Variants in EIF2B1 observed in about 807,000 individuals in gnomAD.
EIF2B1 encodes the protein eukaryotic translation initiation factor 2B subunit alpha.
EIF2B1 carries 30 observed loss-of-function variants against 36.8 expected under a neutral mutation model. The observed-to-expected ratio is 0.81, with a 90% CI of 0.61 to 1.10. The LOEUF (loss-of-function observed/expected upper bound fraction) is 1.10, where lower values mean the gene tolerates loss of function less well. Among genes scored for constraint, EIF2B1 ranks in the 50% least tolerant of loss-of-function variants. The probability of loss-of-function intolerance (pLI) is 0.00; values close to 1 mark genes in which losing one functional copy is unlikely to be tolerated. For missense variants in EIF2B1, 271 were observed against 374.8 expected (o/e 0.72, Z 2.29); for synonymous variants, 139 against 142.2 (o/e 0.98, Z 0.16).
chr12:123,626,415 G>A lies in EIF2B1; in HGVS notation c.551+10C>T, dbSNP rs772239244. 2 of 1,614,078 alleles carry A rather than the reference G, an allele frequency of 1.2e-6. No homozygotes were observed. The highest frequency in any genetic ancestry group is 1.1e-5 in the South Asian group (1 of 91,092). On this transcript the variant is annotated intron_variant, in intron 6 of 8. Transcript: ENST00000424014. ...GGAGGTGATTATGGCTGGGGAAGAT[G>A]GGCACTCACCCGACAGCAGCATCTA...
intron 4 of EIF2B1, among the ~76,000 whole-genome samples, chr12:123,629,867 C>T (rs1198932125): frequency 6.6e-6 from 1 of 152,184 alleles, no homozygotes. Flanking sequence ...TGCCTGTTTA[C>T]AATGACAACC....
chr12:123,623,240 GCA>G (rs1955121381), intron 7 of EIF2B1, among the ~76,000 whole-genome samples: 1 of 151,882 alleles, frequency 6.6e-6, no homozygotes, highest in South Asian at 2.1e-4. Context: ...AATTAGCTGG[GCA>G]TGGTGGGATG....
At chr12:123,624,542 A>T (rs1354673772) in intron 7 of EIF2B1, among the ~76,000 whole-genome samples, 2 of 152,172 alleles carry the variant, frequency 1.3e-5, no homozygotes, top group Non-Finnish European at 2.9e-5. Flanking sequence ...TTACAGGTAT[A>T]AGGCATCACA....
At chr12:123,623,289 A>C (rs185203486) in intron 7 of EIF2B1, among the ~76,000 whole-genome samples, 4 of 151,966 alleles carry the variant, frequency 2.6e-5, no homozygotes, top group Middle Eastern at 3.2e-3. Flanking sequence ...GGGAGGCTGA[A>C]GCAGGAGACT....
chr12:123,627,333 A>G (rs904426832), intron 4 of EIF2B1, among the ~76,000 whole-genome samples, 177 bp from the exon 5 acceptor site: 5 of 152,224 alleles, frequency 3.3e-5, no homozygotes, highest in Non-Finnish European at 5.9e-5. Flanking sequence ...AAGCTAAAAA[A>G]GTTTCTGCCA....
chr12:123,620,580 TTATATATATATATATATATATATA>T lies in EIF2B1; in HGVS notation c.*1152_*1175del, dbSNP rs68169681. The T allele has an allele frequency of 4.1e-4, 27 of 65,362 alleles. 1 individual carries two copies. Among genetic ancestry groups the T allele is most frequent in the Middle Eastern group, 7.5e-3 (1 of 134 alleles). The allele number at this position is 65,362 out of a possible 1,614,324, so 4.0% of individuals were successfully genotyped here. The stretch of plus-strand genomic sequence containing the variant: ...GGTCACATATAGACATATGTACATA[TTATATATATATATATATATATATA>T]TATATATATATATATATATATATAA... On this transcript the variant is annotated 3_prime_UTR_variant, in exon 9 of 9. Coordinates refer to ENST00000424014, the MANE Select transcript of EIF2B1 (RefSeq NM_001414.4).
intron 5 of EIF2B1, 29 bp from the exon 6 acceptor site, chr12:123,626,522 G>C: frequency 6.2e-7 from 1 of 1,612,722 alleles, no homozygotes; most frequent in Non-Finnish European, 8.5e-7. Flanking sequence ...GAACGTTAGA[G>C]AAAGTACAAG....
At chr12:123,625,047 G>A (rs375559363) in intron 6 of EIF2B1, among the ~76,000 whole-genome samples, 185 bp from the exon 7 acceptor site, 7 of 152,118 alleles carry the variant, frequency 4.6e-5, no homozygotes, top group African/African-American at 1.7e-4. Context: ...TTCTGGTCAT[G>A]ACCCTACAAT....
At chr12:123,626,288 G>C in intron 6 of EIF2B1, 137 bp downstream of exon 6, 1 of 957,186 alleles carries the variant, frequency 1.0e-6, no homozygotes, top group Non-Finnish European at 1.6e-6. Context: ...TGCTGGTTTA[G>C]GGCAGCTATT....
intron 6 of EIF2B1, among the ~76,000 whole-genome samples, chr12:123,625,550 A>G (rs1486937455): frequency 6.6e-6 from 1 of 152,242 alleles, no homozygotes; most frequent in African/African-American, 2.4e-5. Context: ...AGTCTTTAAA[A>G]TGAGCAATTA....
At chr12:123,626,998 C>G in intron 5 of EIF2B1, 46 bp downstream of exon 5, 1 of 1,569,096 alleles carries the variant, frequency 6.4e-7, no homozygotes, top group East Asian at 2.2e-5. Context: ...GCAGTTTGCT[C>G]TGTAAAATTA....
At chr12:123,629,370 A>T (rs1955171403) in intron 4 of EIF2B1, among the ~76,000 whole-genome samples, 3 of 152,084 alleles carry the variant, frequency 2.0e-5, no homozygotes, top group African/African-American at 7.2e-5. Flanking sequence ...AATTTCCCTC[A>T]ATTTCCCTCT....
intron 1 of EIF2B1, among the ~76,000 whole-genome samples, chr12:123,632,661 T>C (rs1252800361): frequency 6.6e-6 from 1 of 152,178 alleles, no homozygotes; most frequent in Non-Finnish European, 1.5e-5. Context: ...AAAAAGCTAC[T>C]GGTGGCCGGG....
rs80351220 is a variant in EIF2B1, at chr12:123,622,487, G to A, written c.753+149C>T. ...ACTGAAGTTCTAGGGACAAATGTGT[G>A]AGTCCAATCACCAATTTATCTTTGT... On this transcript the variant is annotated intron_variant, in intron 8 of 8. Coordinates refer to ENST00000424014, the MANE Select transcript of EIF2B1 (RefSeq NM_001414.4). The A allele has an allele frequency of 3.0e-3, 3,338 of 1,122,870 alleles. 70 individuals carry two copies. The African/African-American group carries it at 0.042, about 14-fold the overall frequency. 69.6% of individuals were successfully genotyped at this position (1,122,870 alleles called of 1,614,324 possible).
chr12:123,621,818 TA>T lies in EIF2B1; in HGVS notation c.855del (p.Phe285LeufsTer7). ...YTAPSLITLL[F>X]TDLGVLTPSA... ...GAGGGTGTCAGCACGCCCAGGTCTG[TA>T]AACAGCAGAGTGATTAAGGAAGGGG... On this transcript the variant is annotated frameshift_variant, in exon 9 of 9. Coordinates refer to ENST00000424014, the MANE Select transcript of EIF2B1 (RefSeq NM_001414.4). LOFTEE classifies it high-confidence loss of function. The T allele has an allele frequency of 6.2e-7, 1 of 1,614,024 alleles. No individual in the cohort carries two copies. Among genetic ancestry groups the T allele is most frequent in the South Asian group, 1.1e-5 (1 of 91,068 alleles).
rs1955087422 is a variant in EIF2B1, at chr12:123,621,041, T to G, written c.*715A>C. 6.5e-6 allele frequency: 1 copy of G among 154,488 alleles called. No homozygotes were observed. Among genetic ancestry groups the G allele is most frequent in the Non-Finnish European group, 1.4e-5 (1 of 69,708 alleles). The allele number at this position is 154,488 out of a possible 1,614,324, so 9.6% of individuals were successfully genotyped here. A position where few individuals can be genotyped will look rare whatever the true frequency, so the allele number is the denominator to read the frequency against. ...CACCACATCAGCGTCTTTCATAGAG[T>G]TTATTTGAAAAGATGCTGAATTTAT... On this transcript the variant is annotated 3_prime_UTR_variant, in exon 9 of 9. Coordinates refer to ENST00000424014, the MANE Select transcript of EIF2B1 (RefSeq NM_001414.4).
chr12:123,630,744 C>T lies in EIF2B1; in HGVS notation c.116-211G>A, dbSNP rs1055111983. Among the ~76,000 whole-genome samples, 2 of 152,152 alleles carry T rather than the reference C, an allele frequency of 1.3e-5. No homozygotes were observed. The highest frequency in any genetic ancestry group is 1.5e-5 in the Non-Finnish European group (1 of 68,020). On this transcript the variant is annotated intron_variant, in intron 2 of 8. Transcript: ENST00000424014. The surrounding 1 kb of genome is among the most constrained non-coding windows in gnomAD (Gnocchi z 4.6). ...TGTAATAGAGGAAGCGGATAGTAAA[C>T]AAGCACACATAGAAATAAAGCTGGG...
At chr12:123,633,520 G>C (rs746203622) in intron 1 of EIF2B1, 25 bp downstream of exon 1, 58 of 1,613,682 alleles carry the variant, frequency 3.6e-5, no homozygotes, top group African/African-American at 5.3e-5. Flanking sequence ...CTGTAGCCTA[G>C]CAGCCCTGGC....
At chr12:123,631,596 C>T (rs1238962471) in intron 2 of EIF2B1, among the ~76,000 whole-genome samples, 1 of 151,978 alleles carries the variant, frequency 6.6e-6, no homozygotes, top group Non-Finnish European at 1.5e-5. Flanking sequence ...ATCACGAGGT[C>T]AGGAGATCGA....
Sources: allele counts gnomAD v4.1 joint callset (sites outside exome capture counted in the v4.1 genomes callset), GRCh38; gene constraint gnomAD v4.1.1; non-coding constraint Gnocchi (gnomAD v3.1); transcripts MANE v1.5; gene names NCBI Gene and HGNC (gene_info 2026-07-23, HGNC 2026-07-21).